Variants in ZNF280D observed in about 807,000 individuals in gnomAD.
The protein encoded by ZNF280D is zinc finger protein 280D, also known as suppressor of hairy wing homolog 4.
A neutral mutation model predicts 94.7 loss-of-function variants in ZNF280D; 39 were observed. The ratio of observed to expected loss-of-function variants is 0.41; its 90% CI spans 0.32 to 0.54. ZNF280D has a LOEUF of 0.54. ZNF280D is among the 20% of genes least tolerant of loss of function. The probability of loss-of-function intolerance (pLI) is 0.22; values close to 1 mark genes in which losing one functional copy is unlikely to be tolerated. For missense variants in ZNF280D, 1,090 were observed against 1,149.3 expected, an observed-to-expected ratio of 0.95 and a Z score of 0.75; for synonymous variants, 398 against 377.6, an observed-to-expected ratio of 1.05 and a Z score of -0.63.
At chr15:56,685,595 G>A (rs1277377597) in intron 9 of ZNF280D, among the ~76,000 whole-genome samples, 1 of 152,070 alleles carries the variant, frequency 6.6e-6, no homozygotes, top group East Asian at 1.9e-4. Flanking sequence ...AAATCAAGTA[G>A]CAAAAAAGAA....
chr15:56,671,923 T>C (rs2054891793), intron 13 of ZNF280D, among the ~76,000 whole-genome samples: 1 of 152,158 alleles, frequency 6.6e-6, no homozygotes, highest in Non-Finnish European at 1.5e-5. Flanking sequence ...TTCCTAGGTA[T>C]TTCATTCTTT....
intron 19 of ZNF280D, chr15:56,653,377 C>T (rs2053324044): frequency 7.7e-7 from 1 of 1,293,492 alleles, no homozygotes; most frequent in African/African-American, 1.5e-5. Context: ...GCCTTAAAGC[C>T]ATCTCTGGCC....
At position 56,733,057 on chromosome 15, in the gene ZNF280D, G is replaced by C. The variant is rs572811699; in HGVS notation, c.-86+401C>G. The C allele has an allele frequency of 2.6e-5, 4 of 152,560 alleles. No homozygotes were observed. The East Asian group carries it at 7.7e-4, about 29-fold the overall frequency. 9.5% of individuals were successfully genotyped at this position (152,560 alleles called of 1,614,324 possible). On this transcript the variant is annotated intron_variant, in intron 1 of 21. Coordinates refer to ENST00000267807, the MANE Select transcript of ZNF280D (RefSeq NM_017661.4). ...GACACGGGGGTGGGCTGTGGTGTGA[G>C]GACCATGGGTCTTGGCCAAACATCG...
intron 1 of ZNF280D, among the ~76,000 whole-genome samples, chr15:56,720,186 G>A (rs1240461843): frequency 6.6e-6 from 1 of 152,146 alleles, no homozygotes; most frequent in East Asian, 1.9e-4. Context: ...CCTTGCTGGT[G>A]CTTTATCAAC....
intron 9 of ZNF280D, among the ~76,000 whole-genome samples, chr15:56,685,820 GAGAA>G (rs1314306483): frequency 7.2e-5 from 11 of 152,056 alleles, no homozygotes; most frequent in African/African-American, 2.7e-4. Context: ...TTAAAAAAGA[GAGAA>G]AGAAAAATTT....
At chr15:56,720,459 G>A (rs946087889) in intron 1 of ZNF280D, among the ~76,000 whole-genome samples, 8 of 152,034 alleles carry the variant, frequency 5.3e-5, no homozygotes, top group Non-Finnish European at 1.2e-4. Context: ...CATGAGGGCT[G>A]GAACCAACTT....
intron 1 of ZNF280D, among the ~76,000 whole-genome samples, chr15:56,720,331 T>G (rs1470915069): frequency 6.6e-6 from 1 of 152,238 alleles, no homozygotes; most frequent in African/African-American, 2.4e-5. Flanking sequence ...AGTTTTATAA[T>G]GAGATTACAG....
rs558962977 is a variant in ZNF280D, at chr15:56,665,289, GAACA to G, written c.1994+1102_1994+1105del. 1.2e-3 allele frequency among the ~76,000 whole-genome samples: 175 copies of G among 152,090 alleles called. 1 individual carries two copies. The highest frequency in any genetic ancestry group is 4.0e-3 in the African/African-American group (166 of 41,482). On this transcript the variant is annotated intron_variant, in intron 16 of 21. Coordinates refer to ENST00000267807, the MANE Select transcript of ZNF280D (RefSeq NM_017661.4). ...TTAATTCTAATTTTAAACAAAAACT[GAACA>G]AACTTACTTTGAAAAAGCAAACTCT...
chr15:56,701,115 TAATC>T lies in ZNF280D; in HGVS notation c.242-47_242-44del, dbSNP rs1429179129. 7 of 1,611,484 alleles carry T rather than the reference TAATC, an allele frequency of 4.3e-6. No individual in the cohort carries two copies. In the East Asian group the frequency reaches 1.3e-4, roughly 31 times the overall value. On this transcript the variant is annotated intron_variant, in intron 5 of 21. Coordinates refer to ENST00000267807, the MANE Select transcript of ZNF280D (RefSeq NM_017661.4). Reference sequence around the variant, plus strand: ...ACAATATATGGAAATTATTTGTACATAATCAATTTTGTCAAAATACTTCACTTTA... The same window carrying T: ...ACAATATATGGAAATTATTTGTACATAATTTTGTCAAAATACTTCACTTTA...
At chr15:56,666,597 C>A (rs532093888) in intron 15 of ZNF280D, 62 bp from the exon 16 acceptor site, 30 of 1,520,374 alleles carry the variant, frequency 2.0e-5, no homozygotes, top group East Asian at 1.2e-4. Flanking sequence ...TAAGGAAGAG[C>A]CTTAATAATG....
chr15:56,663,732 C>T (rs1313293869), intron 16 of ZNF280D, among the ~76,000 whole-genome samples: 1 of 151,998 alleles, frequency 6.6e-6, no homozygotes, highest in East Asian at 1.9e-4. Flanking sequence ...TTTGAATGTT[C>T]CCATCACAAA....
Position 56,669,103 on chromosome 15 carries a change from G to A in ZNF280D, c.1411-146C>T, listed in dbSNP as rs1021175223. 6 of 714,136 alleles carry A rather than the reference G, an allele frequency of 8.4e-6. No homozygotes were observed. In the Admixed American group the frequency reaches 1.7e-4, roughly 20 times the overall value. 44.2% of individuals were successfully genotyped at this position (714,136 alleles called of 1,614,324 possible). A position where few individuals can be genotyped will look rare whatever the true frequency, so the allele number is the denominator to read the frequency against. ...ATCTCCTATCATAATAATATAAAAT[G>A]CCTCATTTTTTAAAAGTCATTACAT... On this transcript the variant is annotated intron_variant, in intron 13 of 21. Coordinates refer to ENST00000267807, the MANE Select transcript of ZNF280D (RefSeq NM_017661.4).
chr15:56,696,744 C>A (rs532360057), intron 6 of ZNF280D, among the ~76,000 whole-genome samples: 1 of 152,224 alleles, frequency 6.6e-6, no homozygotes, highest in African/African-American at 2.4e-5. Flanking sequence ...ACTCCTCTGT[C>A]ATTCTTAACT....
At chr15:56,645,156 G>C (rs1360938607) in intron 19 of ZNF280D, 3 of 152,034 alleles carry the variant, frequency 2.0e-5, no homozygotes, top group Non-Finnish European at 4.4e-5. Context: ...ATTTACTAAA[G>C]ATACCTGCTG....
chr15:56,643,092 T>G (rs2052710122), intron 19 of ZNF280D, 95 bp from the exon 20 acceptor site: 4 of 790,084 alleles, frequency 5.1e-6, no homozygotes, highest in Non-Finnish European at 5.5e-6. Context: ...ATAATTAAAA[T>G]GTAGATCGAA....
rs867189514 is a variant in ZNF280D, at chr15:56,657,490, G to C, written c.2057+934C>G. Among the ~76,000 whole-genome samples, 7 of 152,126 alleles carry C rather than the reference G, an allele frequency of 4.6e-5. No individual in the cohort carries two copies. The South Asian group carries it at 1.5e-3, about 32-fold the overall frequency. On this transcript the variant is annotated intron_variant, in intron 17 of 21. Transcript: ENST00000267807. Reference sequence around the variant, plus strand: ...TCATTTTACAATGCAAACGCATCAAGGTTTCCTCTGGACACCACCTTTCCA... The same window carrying C: ...TCATTTTACAATGCAAACGCATCAACGTTTCCTCTGGACACCACCTTTCCA...
At position 56,631,805 on chromosome 15, in the gene ZNF280D, G is replaced by A. The variant is rs1046018200; in HGVS notation, c.2633C>T (p.Ser878Leu). ...TAATCGCAAATCCTTAATATTCTTT[G>A]AAGAAAATCTGGCTTCACTGGAGTT... ...DHNSSEARFS[S>L]KNIKDLRLAS... The change falls in exon 22 of 22, where the codon TCA (serine) becomes TTA (leucine). Residue 878 changes from serine (S) to leucine (L), a missense_variant. Physicochemically the swap from Ser to Leu is moderately radical, Grantham distance 145. This residue lies in a region of ZNF280D where 577 missense variants were observed against 568.8 expected (regional missense o/e 1.01). Transcript: ENST00000267807. 4.3e-6 allele frequency: 7 copies of A among 1,614,038 alleles called. No homozygotes were observed. The Admixed American group carries it at 1.2e-4, about 27-fold the overall frequency.
intron 13 of ZNF280D, among the ~76,000 whole-genome samples, chr15:56,670,085 C>T (rs1244353900): frequency 1.1e-5 from 1 of 93,296 alleles, no homozygotes; most frequent in Non-Finnish European, 2.2e-5. Flanking sequence ...TATATATATA[C>T]ACATGCACAC....
intron 1 of ZNF280D, among the ~76,000 whole-genome samples, chr15:56,720,873 C>G (rs1463551134): frequency 6.7e-6 from 1 of 150,178 alleles, no homozygotes; most frequent in African/African-American, 2.4e-5. Flanking sequence ...ATGTTGTAAA[C>G]CACGTTTACA....
Sources: gnomAD v4.1 joint callset for allele counts (sites outside exome capture counted in the v4.1 genomes callset) on GRCh38, gnomAD v4.1.1 for gene constraint, gnomAD v4.1.1 regional missense constraint, MANE v1.5 for transcripts, NCBI Gene and HGNC (gene_info 2026-07-23, HGNC 2026-07-21) for gene names.